NOVA1: variants seen among roughly 807,000 people sequenced by gnomAD.
The protein encoded by NOVA1 is RNA-binding protein Nova-1.
NOVA1 carries 7 observed loss-of-function variants against 38.0 expected under a neutral mutation model. The observed-to-expected ratio is 0.18, with a 90% confidence interval of 0.10 to 0.35. The LOEUF (loss-of-function observed/expected upper bound fraction) is 0.35. NOVA1 is among the 10% of genes least tolerant of loss of function. NOVA1 has a pLI of 1.00. For missense variants in NOVA1, 460 were observed against 616.0 expected (o/e 0.75, Z 2.68); for synonymous variants, 270 against 232.5 (o/e 1.16, Z -1.47).
At chr14:26,527,782 T>A (rs985418440) in intron 2 of NOVA1, among the ~76,000 whole-genome samples, 11 of 152,298 alleles carry the variant, frequency 7.2e-5, no homozygotes, top group Non-Finnish European at 1.6e-4. Context: ...TTCACACATG[T>A]CGATTTCTCA....
At chr14:26,450,072 T>C (rs1882520560) in intron 4 of NOVA1, among the ~76,000 whole-genome samples, 1 of 152,168 alleles carries the variant, frequency 6.6e-6, no homozygotes. Context: ...AAACTTGTGA[T>C]TGTTGTGTTA....
intron 2 of NOVA1, among the ~76,000 whole-genome samples, chr14:26,480,530 G>A (rs115566635): frequency 0.023 from 3,479 of 152,186 alleles, 60 homozygotes; most frequent in African/African-American, 0.049. Flanking sequence ...GAAAAAAACC[G>A]ACATAAAACC....
At chr14:26,543,161 T>C (rs1292610189) in intron 2 of NOVA1, among the ~76,000 whole-genome samples, 1 of 151,920 alleles carries the variant, frequency 6.6e-6, no homozygotes, top group African/African-American at 2.4e-5. Flanking sequence ...CCCATACATA[T>C]GTACAACTAT....
At chr14:26,525,073 G>A (rs921186982) in intron 2 of NOVA1, among the ~76,000 whole-genome samples, 2 of 152,092 alleles carry the variant, frequency 1.3e-5, no homozygotes, top group Non-Finnish European at 2.9e-5. Context: ...AACAAAACAT[G>A]ATTTCAGAGT....
At chr14:26,561,157 G>A (rs943090217) in intron 2 of NOVA1, among the ~76,000 whole-genome samples, 1 of 152,108 alleles carries the variant, frequency 6.6e-6, no homozygotes, top group African/African-American at 2.4e-5. Context: ...GAGCTCAGGT[G>A]GTAATGCTAG....
intron 2 of NOVA1, chr14:26,549,664 T>A: frequency 8.6e-7 from 1 of 1,168,926 alleles, no homozygotes; most frequent in South Asian, 1.3e-5. Context: ...CTAGGGCAGG[T>A]ACACAAGAAA....
intron 2 of NOVA1, among the ~76,000 whole-genome samples, chr14:26,571,452 A>C (rs1396674244): frequency 6.6e-6 from 1 of 152,188 alleles, no homozygotes; most frequent in Non-Finnish European, 1.5e-5. Context: ...AAAAACAATA[A>C]AGAGAAATAA....
chr14:26,478,739 G>A (rs1023403615), intron 3 of NOVA1, among the ~76,000 whole-genome samples: 2 of 151,716 alleles, frequency 1.3e-5, no homozygotes, highest in Non-Finnish European at 2.9e-5. Context: ...TATACATTAA[G>A]GGATACTTCT....
intron 2 of NOVA1, among the ~76,000 whole-genome samples, chr14:26,577,999 GA>G (rs1025004128): frequency 2.6e-4 from 37 of 139,876 alleles, no homozygotes; most frequent in Middle Eastern, 3.6e-3. Context: ...AAGGAAATGA[GA>G]AAAAAAAAAA....
rs79933018 is a variant in NOVA1, at chr14:26,583,246, C to A, written c.280+12164G>T. 7.3e-5 allele frequency among the ~76,000 whole-genome samples: 11 copies of A among 151,646 alleles called. No individual in the cohort carries two copies. In the East Asian group the frequency reaches 2.1e-3, roughly 29 times the overall value. On this transcript the variant is annotated intron_variant, in intron 2 of 4. Transcript: ENST00000539517. ...ATTATTTGGAAATAATTCAAAATTT[C>A]TTCAAAATTTTTCTCAAAAAGAATT...
At chr14:26,568,099 T>C (rs564842975) in intron 2 of NOVA1, among the ~76,000 whole-genome samples, 1 of 152,290 alleles carries the variant, frequency 6.6e-6, no homozygotes, top group Admixed American at 6.5e-5. Flanking sequence ...ATTAAGATAA[T>C]AAGAGAGATT....
At chr14:26,449,482 A>AT (rs1231897745) in intron 4 of NOVA1, among the ~76,000 whole-genome samples, 1 of 152,078 alleles carries the variant, frequency 6.6e-6, no homozygotes, top group Non-Finnish European at 1.5e-5. Flanking sequence ...TCACCCAGTA[A>AT]TTTTTTTGTT....
At chr14:26,524,846 A>T (rs1267573758) in intron 2 of NOVA1, among the ~76,000 whole-genome samples, 1 of 152,202 alleles carries the variant, frequency 6.6e-6, no homozygotes, top group Non-Finnish European at 1.5e-5. Flanking sequence ...AAAACAACAT[A>T]AAATTTTTTA....
intron 2 of NOVA1, among the ~76,000 whole-genome samples, chr14:26,488,276 G>A (rs1345641004): frequency 6.6e-6 from 1 of 152,176 alleles, no homozygotes; most frequent in South Asian, 2.1e-4. Context: ...GTCAAAGGAT[G>A]AGAGTATATT....
chr14:26,572,826 G>T (rs1268972963), intron 2 of NOVA1, among the ~76,000 whole-genome samples: 1 of 151,004 alleles, frequency 6.6e-6, no homozygotes, highest in Non-Finnish European at 1.5e-5. Flanking sequence ...TGTGGAAGAA[G>T]TAACATGCCA....
intron 2 of NOVA1, among the ~76,000 whole-genome samples, chr14:26,514,706 T>C (rs890871377): frequency 6.6e-6 from 1 of 151,830 alleles, no homozygotes; most frequent in African/African-American, 2.4e-5. Context: ...CCTTGCTACA[T>C]AAAAACAGCC....
At chr14:26,464,687 A>G (rs1883972926) in intron 4 of NOVA1, among the ~76,000 whole-genome samples, 1 of 152,164 alleles carries the variant, frequency 6.6e-6, no homozygotes, top group African/African-American at 2.4e-5. Flanking sequence ...ATTTGTTTCT[A>G]TATGAATATT....
rs1184857048 is a variant in NOVA1 at position 26,448,979 on chromosome 14, A to T, written c.520-16T>A. 6.3e-7 allele frequency: 1 copy of T among 1,577,272 alleles called. No individual in the cohort carries two copies. The highest frequency in any genetic ancestry group is 1.4e-5 in the African/African-American group (1 of 73,116). On this transcript the variant is annotated splice_polypyrimidine_tract_variant and intron_variant, in intron 4 of 4. Coordinates refer to ENST00000539517, the MANE Select transcript of NOVA1 (RefSeq NM_002515.3). The surrounding 1 kb of genome is among the most constrained non-coding windows in gnomAD (Gnocchi z 5.3). ...TAATCTTTACCTGTAATTAAAAAAA[A>T]TACGTATAAATAATACTTCTGTTTT...
At chr14:26,464,515 G>C (rs1224852880) in intron 4 of NOVA1, among the ~76,000 whole-genome samples, 1 of 152,076 alleles carries the variant, frequency 6.6e-6, no homozygotes, top group Non-Finnish European at 1.5e-5. Flanking sequence ...ACCTTACTTG[G>C]ATCTATTTCA....
Sources: gnomAD v4.1 joint callset for allele counts (sites outside exome capture counted in the v4.1 genomes callset) on GRCh38, gnomAD v4.1.1 for gene constraint, Gnocchi (gnomAD v3.1) non-coding constraint, MANE v1.5 for transcripts, NCBI Gene and HGNC (gene_info 2026-07-23, HGNC 2026-07-21) for gene names.